FRMD8: variants seen among roughly 807,000 people sequenced by gnomAD.
FRMD8 encodes FERM domain-containing protein 8.
Under a neutral mutation model 54.2 loss-of-function variants are expected in FRMD8, and 37 were observed. The observed-to-expected ratio is 0.68, with a 90% CI of 0.53 to 0.90. The LOEUF (loss-of-function observed/expected upper bound fraction) is 0.90. Ranked by LOEUF, FRMD8 falls within the 40% of genes least tolerant of loss-of-function variation. FRMD8 has a pLI of 0.00. For missense variants in FRMD8, 585 were observed against 653.7 expected (o/e 0.89, Z 1.15); for synonymous variants, 246 against 286.9 (o/e 0.86, Z 1.44).
chr11:65,380,278 C>A, the FRMD8 span: 8 of 1,547,244 alleles, frequency 5.2e-6, no homozygotes, highest in Non-Finnish European at 7.1e-6. Context: ...GGAAGGAGAG[C>A]AGGGCCATCT....
rs570747170 is a variant in FRMD8, at chr11:65,408,763, C to T, written c.1277-2479C>T. 5.3e-5 allele frequency among the ~76,000 whole-genome samples: 8 copies of T among 151,940 alleles called. No homozygotes were observed. The South Asian group carries it at 1.7e-3, about 32-fold the overall frequency. ...TAGGTGGGACTAAGGTCATGAGCCA[C>T]CACTCCTGGCTAATTTTTAAATTCT... On this transcript the variant is annotated intron_variant, in intron 10 of 10. Coordinates refer to ENST00000317568, the MANE Select transcript of FRMD8 (RefSeq NM_031904.5).
At chr11:65,390,556 C>T (rs1179746772) in intron 3 of FRMD8, among the ~76,000 whole-genome samples, 2 of 151,922 alleles carry the variant, frequency 1.3e-5, no homozygotes, top group African/African-American at 4.8e-5. Flanking sequence ...TCCTTCTCTC[C>T]ACCCCCTCCC....
In FRMD8 at chr11:65,394,348, C is replaced by A; in HGVS notation, c.504C>A (p.Cys168Ter). 1 of 1,581,632 alleles carries A rather than the reference C, an allele frequency of 6.3e-7. No individual in the cohort carries two copies. The highest frequency in any genetic ancestry group is 1.1e-5 in the South Asian group (1 of 86,968). ...GGTACCCGTGCGACGTGGAGGACTG[C>A]GAGGCTCTGGGCGCCCTGGTGTGCC... ...AARYPCDVED[C>*]EALGALVCRV... The change falls in exon 6 of 11, where the codon TGC (cysteine) becomes TGA (stop). Residue 168 changes from cysteine (C) to a stop codon, truncating the protein, a stop_gained. Transcript: ENST00000317568. LOFTEE classifies it high-confidence loss of function.
chr11:65,379,442 C>G, the FRMD8 span: 3 of 1,613,864 alleles, frequency 1.9e-6, no homozygotes, highest in Non-Finnish European at 2.5e-6. Flanking sequence ...GGGCCCGCCG[C>G]TCCTGGTGGG....
intron 7 of FRMD8, among the ~76,000 whole-genome samples, chr11:65,398,992 ATGTT>A (rs763869699): frequency 9.4e-6 from 1 of 105,858 alleles, no homozygotes; most frequent in Non-Finnish European, 1.8e-5. Context: ...GCTCTTCTCA[ATGTT>A]TTTTTTTTTT....
At chr11:65,399,892 A>T in intron 8 of FRMD8, 33 bp downstream of exon 8, 1 of 1,591,636 alleles carries the variant, frequency 6.3e-7, no homozygotes, top group Non-Finnish European at 8.6e-7. Flanking sequence ...GGTGGAGAGG[A>T]TGGGAGGGGG....
At position 65,389,421 on chromosome 11, in the gene FRMD8, T is replaced by G. The variant is rs763354731; in HGVS notation, c.146T>G (p.Leu49Arg). 4 of 1,610,644 alleles carry G rather than the reference T, an allele frequency of 2.5e-6. No individual in the cohort carries two copies. Among genetic ancestry groups the G allele is most frequent in the Non-Finnish European group, 3.4e-6 (4 of 1,179,996 alleles). The change falls in exon 3 of 11, where the codon CTG becomes CGG. Residue 49 changes from leucine to arginine, a missense_variant. Transcript: ENST00000317568. Reference protein sequence around the residue: ...DTVVPLAVENLPSLSAHELHR... With the variant: ...DTVVPLAVENRPSLSAHELHR... ...GTGGTGCCCCTGGCTGTGGAGAACCTGCCCTCGCTCAGTGCCCATGAGCTG... is the reference window on the plus strand; with the variant it reads ...GTGGTGCCCCTGGCTGTGGAGAACCGGCCCTCGCTCAGTGCCCATGAGCTG...
At chr11:65,408,143 C>A (rs569791644) in intron 10 of FRMD8, among the ~76,000 whole-genome samples, 1 of 147,812 alleles carries the variant, frequency 6.8e-6, no homozygotes, top group African/African-American at 2.5e-5. Context: ...GGTGCGATAT[C>A]GGCTCACCGC....
chr11:65,369,891 G>A, the FRMD8 span, among the ~76,000 whole-genome samples: 1 of 151,104 alleles, frequency 6.6e-6, no homozygotes, highest in African/African-American at 2.4e-5. Context: ...AATGAGCCGG[G>A]TATGGTGGCA....
intron 3 of FRMD8, among the ~76,000 whole-genome samples, chr11:65,393,179 C>T (rs552302682): frequency 2.9e-4 from 44 of 152,296 alleles, no homozygotes; most frequent in Middle Eastern, 3.4e-3. Flanking sequence ...GCAAGGCAGC[C>T]CCTTGGGCCT....
the FRMD8 span, chr11:65,381,116 G>A: frequency 1.3e-5 from 2 of 153,260 alleles, no homozygotes; most frequent in Non-Finnish European, 2.9e-5. Context: ...CTGGCTCTGG[G>A]GTGCTCCACG....
intron 2 of FRMD8, among the ~76,000 whole-genome samples, chr11:65,388,175 A>AC (rs1855771319): frequency 6.6e-6 from 1 of 152,012 alleles, no homozygotes; most frequent in African/African-American, 2.4e-5. Context: ...AAAAAAAAAA[A>AC]AAAACAGGGA....
chr11:65,392,795 G>A (rs1422542222), intron 3 of FRMD8, among the ~76,000 whole-genome samples: 1 of 152,148 alleles, frequency 6.6e-6, no homozygotes, highest in African/African-American at 2.4e-5. Flanking sequence ...CACCATTGGG[G>A]TGATGGAAAA....
At chr11:65,405,193 A>C in intron 10 of FRMD8, 125 bp downstream of exon 10, 1 of 927,186 alleles carries the variant, frequency 1.1e-6, no homozygotes, top group Non-Finnish European at 1.7e-6. Context: ...CCTCCATCTC[A>C]GGACACAGCT....
At chr11:65,378,643 C>T in the FRMD8 span, 1 of 152,226 alleles carries the variant, frequency 6.6e-6, no homozygotes, top group East Asian at 1.9e-4. Flanking sequence ...TGTCCTTTGT[C>T]CTTGCTCTCT....
At chr11:65,401,108 C>T (rs552143157) in intron 9 of FRMD8, among the ~76,000 whole-genome samples, 6 of 152,214 alleles carry the variant, frequency 3.9e-5, no homozygotes, top group Non-Finnish European at 8.8e-5. Context: ...GGGGTTCGGG[C>T]AGCTGTTTGT....
the FRMD8 span, chr11:65,379,174 C>T: frequency 1.7e-6 from 1 of 604,156 alleles, no homozygotes; most frequent in Admixed American, 3.1e-5. Context: ...TGCCCACCAG[C>T]TGTCTCTGCC....
At chr11:65,393,962 C>T in intron 4 of FRMD8, 79 bp from the exon 5 acceptor site, 1 of 1,494,836 alleles carries the variant, frequency 6.7e-7, no homozygotes, top group South Asian at 1.1e-5. Context: ...AGGTTGGTGG[C>T]CAGGGCCTGG....
At chr11:65,382,181 C>T (rs921970434), upstream of FRMD8, 197 of 574,104 alleles carry the variant, frequency 3.4e-4, 3 homozygotes, top group South Asian at 3.7e-3. The surrounding 1 kb of genome is among the most constrained non-coding windows in gnomAD (Gnocchi z 4.4). Context: ...ACGGGCCAGG[C>T]GTGCCGGGAC....
Sources: gnomAD v4.1 joint callset for allele counts (sites outside exome capture counted in the v4.1 genomes callset) on GRCh38, gnomAD v4.1.1 for gene constraint, Gnocchi (gnomAD v3.1) non-coding constraint, MANE v1.5 for transcripts, NCBI Gene and HGNC (gene_info 2026-07-23, HGNC 2026-07-21) for gene names.